Variants in LHPP observed in about 807,000 individuals in gnomAD.
LHPP encodes hLHPP.
LHPP carries 24 observed loss-of-function variants against 30.3 expected under a neutral mutation model. The ratio of observed to expected loss-of-function variants is 0.79; its 90% CI spans 0.57 to 1.11. The LOEUF (loss-of-function observed/expected upper bound fraction) is 1.11, where lower values mean the gene tolerates loss of function less well. Ranked by LOEUF, LHPP falls within the 50% of genes most tolerant of loss-of-function variation. The pLI is 0.00. For synonymous variants in LHPP, 150 were observed against 157.1 expected, an observed-to-expected ratio of 0.95 and a Z score of 0.34; for missense variants, 356 against 367.2, an observed-to-expected ratio of 0.97 and a Z score of 0.25.
chr10:124,570,079 A>G (rs144252695), intron 6 of LHPP, among the ~76,000 whole-genome samples: 1 of 152,236 alleles, frequency 6.6e-6, no homozygotes, highest in East Asian at 1.9e-4. Context: ...GTGACTATTA[A>G]TTTAGGTTTA....
intron 1 of LHPP, among the ~76,000 whole-genome samples, chr10:124,471,920 C>T (rs1952791861): frequency 6.6e-6 from 1 of 150,562 alleles, no homozygotes; most frequent in Non-Finnish European, 1.5e-5. Context: ...AGGTGTGTGC[C>T]ACCGTGTCTA....
intron 6 of LHPP, among the ~76,000 whole-genome samples, chr10:124,589,687 T>G (rs1948852394): frequency 6.6e-6 from 1 of 152,320 alleles, no homozygotes; most frequent in East Asian, 1.9e-4. Flanking sequence ...TGGGACTTCC[T>G]TGTGTGTTAG....
intron 6 of LHPP, among the ~76,000 whole-genome samples, chr10:124,519,738 C>A (rs1954558940): frequency 6.6e-6 from 1 of 152,218 alleles, no homozygotes; most frequent in Non-Finnish European, 1.5e-5. Context: ...GTCTCCAACT[C>A]CATCTAGGTT....
At chr10:124,533,158 C>T (rs190193311) in intron 6 of LHPP, among the ~76,000 whole-genome samples, 71 of 152,302 alleles carry the variant, frequency 4.7e-4, no homozygotes, top group African/African-American at 1.6e-3. Flanking sequence ...TCAGCCTGGC[C>T]TCTGCAGGCA....
intron 1 of LHPP, among the ~76,000 whole-genome samples, chr10:124,462,249 C>T (rs552833841): frequency 1.3e-5 from 2 of 152,280 alleles, no homozygotes; most frequent in Admixed American, 6.5e-5. Context: ...GAGCGCTTGA[C>T]CTGCGGCCAG....
chr10:124,560,622 A>G (rs948523289), intron 6 of LHPP, among the ~76,000 whole-genome samples: 2 of 152,204 alleles, frequency 1.3e-5, no homozygotes, highest in African/African-American at 4.8e-5. Context: ...TTCTGCCTCT[A>G]GAGAACATGC....
rs891354168 is a variant in LHPP at position 124,517,115 on chromosome 10, A to T, written c.625-65A>T. The stretch of plus-strand genomic sequence containing the variant: ...AAGCCATTTATTATGTCAAAAAAAG[A>T]TGAAGGAGCCCGGGAATAAAACTCT... On this transcript the variant is annotated intron_variant, in intron 5 of 6. Transcript: ENST00000368842. The surrounding 1 kb of genome is among the most constrained non-coding windows in gnomAD (Gnocchi z 4.1). The T allele has an allele frequency of 1.9e-6, 2 of 1,070,614 alleles. No homozygotes were observed. Among genetic ancestry groups the T allele is most frequent in the African/African-American group, 1.6e-5 (1 of 62,506 alleles). 66.3% of individuals were successfully genotyped at this position (1,070,614 alleles called of 1,614,324 possible).
intron 6 of LHPP, among the ~76,000 whole-genome samples, chr10:124,530,763 C>T (rs1407304369): frequency 6.6e-6 from 1 of 152,242 alleles, no homozygotes; most frequent in African/African-American, 2.4e-5. Flanking sequence ...CTGACCCTCT[C>T]CTCTGCCACC....
At chr10:124,573,827 A>G (rs1948619851) in intron 6 of LHPP, among the ~76,000 whole-genome samples, 1 of 152,124 alleles carries the variant, frequency 6.6e-6, no homozygotes, top group Admixed American at 6.5e-5. Context: ...TTTGCAGCCA[A>G]GGAAAGTGAG....
chr10:124,506,806 G>C (rs1280793020), intron 5 of LHPP, among the ~76,000 whole-genome samples: 8 of 32,152 alleles, frequency 2.5e-4, no homozygotes, highest in Non-Finnish European at 4.9e-4. Context: ...GGGGGGTAGG[G>C]AGGATTTCAG....
chr10:124,526,800 G>A (rs1170943113), intron 6 of LHPP, among the ~76,000 whole-genome samples: 1 of 152,216 alleles, frequency 6.6e-6, no homozygotes, highest in African/African-American at 2.4e-5. Flanking sequence ...TGCCTTTGTG[G>A]TTAAAGTCCG....
chr10:124,551,269 G>A (rs923479192), intron 6 of LHPP, among the ~76,000 whole-genome samples: 8 of 152,234 alleles, frequency 5.3e-5, no homozygotes, highest in African/African-American at 1.9e-4. Context: ...ATCCCATCCC[G>A]CTGGGGCACG....
chr10:124,574,091 C>T (rs970550340), intron 6 of LHPP, among the ~76,000 whole-genome samples: 7 of 152,134 alleles, frequency 4.6e-5, no homozygotes, highest in African/African-American at 1.4e-4. Flanking sequence ...TCCCAACGCC[C>T]CTGTGAGTTC....
At chr10:124,521,408 G>A (rs1954609604) in intron 6 of LHPP, among the ~76,000 whole-genome samples, 1 of 152,264 alleles carries the variant, frequency 6.6e-6, no homozygotes. Flanking sequence ...AGGGGCAGCA[G>A]CTGTGTCTCC....
At chr10:124,594,223 A>G (rs532765160) in intron 6 of LHPP, among the ~76,000 whole-genome samples, 6 of 149,764 alleles carry the variant, frequency 4.0e-5, no homozygotes, top group Admixed American at 1.4e-4. Context: ...CCAGCTACTC[A>G]GGAGGCGGAG....
intron 6 of LHPP, among the ~76,000 whole-genome samples, chr10:124,558,099 G>A (rs1008840722): frequency 2.6e-5 from 4 of 152,164 alleles, no homozygotes; most frequent in East Asian, 1.9e-4. Flanking sequence ...AAGCAGCCAC[G>A]TGGCTCCGTT....
rs1310913601 is a variant in LHPP at position 124,592,711 on chromosome 10, G to A, written c.717-20553G>A. 2.6e-5 allele frequency among the ~76,000 whole-genome samples: 4 copies of A among 152,230 alleles called. No homozygotes were observed. The highest frequency in any genetic ancestry group is 9.6e-5 in the African/African-American group (4 of 41,464). On this transcript the variant is annotated intron_variant, in intron 6 of 6. Transcript: ENST00000368842. This position sits in a 1 kb window ranked among gnomAD's most constrained non-coding sequence, Gnocchi z 6.2. Reference sequence around the variant, plus strand: ...CTTGGTTTGTGGCTTCCCAGTAAACGGTGGGACAGGACCAGGGTCTGAGGA... The same window carrying A: ...CTTGGTTTGTGGCTTCCCAGTAAACAGTGGGACAGGACCAGGGTCTGAGGA...
chr10:124,467,710 T>TTTGTCGTTG (rs1554876638), intron 1 of LHPP, among the ~76,000 whole-genome samples: 1 of 148,930 alleles, frequency 6.7e-6, no homozygotes, highest in Non-Finnish European at 1.5e-5. Context: ...GTGTGTGTTT[T>TTTGTCGTTG]TTGTTGTTGT....
At position 124,478,080 on chromosome 10, in the gene LHPP, G is replaced by A. The variant is rs1282905074; in HGVS notation, c.126-6059G>A. 6.6e-6 allele frequency among the ~76,000 whole-genome samples: 1 copy of A among 152,184 alleles called. No individual in the cohort carries two copies. ...CTGTGGTTGGGCACCAGGCATGGCA[G>A]AGGTGCTGAGCAGACAAAACCCTGC... On this transcript the variant is annotated intron_variant, in intron 1 of 6. Transcript: ENST00000368842. This position sits in a 1 kb window ranked among gnomAD's most constrained non-coding sequence, Gnocchi z 4.7.
Sources: gnomAD v4.1 joint callset for allele counts (sites outside exome capture counted in the v4.1 genomes callset) on GRCh38, gnomAD v4.1.1 for gene constraint, Gnocchi (gnomAD v3.1) non-coding constraint, MANE v1.5 for transcripts, NCBI Gene and HGNC (gene_info 2026-07-23, HGNC 2026-07-21) for gene names.